MOXD1: variants seen among roughly 807,000 people sequenced by gnomAD.
The protein encoded by MOXD1 is DBH-like monooxygenase protein 1.
A neutral mutation model predicts 66.6 loss-of-function variants in MOXD1; 62 were observed. The observed-to-expected ratio is 0.93, with a 90% CI of 0.76 to 1.15. The LOEUF (loss-of-function observed/expected upper bound fraction) is 1.15, where lower values mean the gene tolerates loss of function less well. MOXD1 is among the 50% of genes most tolerant of loss of function. The pLI is 0.00. For synonymous variants in MOXD1, 303 were observed against 281.9 expected (o/e 1.07, Z -0.75); for missense variants, 847 against 754.6 (o/e 1.12, Z -1.44).
Position 132,322,686 on chromosome 6 carries a change from ATTGT to A in MOXD1, c.1294_1297del (p.Thr432SerfsTer7). 6.2e-7 allele frequency: 1 copy of A among 1,613,210 alleles called. No homozygotes were observed. The highest frequency in any genetic ancestry group is 8.5e-7 in the Non-Finnish European group (1 of 1,179,506). On this transcript the variant is annotated frameshift_variant, in exon 8 of 12. Coordinates refer to ENST00000367963, the MANE Select transcript of MOXD1 (RefSeq NM_015529.4). LOFTEE classifies it high-confidence loss of function. ...GAACAAAAACATGCATACTGGTAAGATTGTTTGTTCTTCCTTTAGATACTGAAAC... is the reference window on the plus strand; with the variant it reads ...GAACAAAAACATGCATACTGGTAAGATTGTTCTTCCTTTAGATACTGAAAC...
At chr6:132,349,460 T>TATAC (rs1775754280) in intron 4 of MOXD1, among the ~76,000 whole-genome samples, 1 of 34,568 alleles carries the variant, frequency 2.9e-5, no homozygotes. Context: ...TACATATATA[T>TATAC]ATATACATAT....
intron 1 of MOXD1, among the ~76,000 whole-genome samples, chr6:132,379,388 A>G (rs967821916): frequency 2.0e-5 from 3 of 152,154 alleles, no homozygotes; most frequent in Admixed American, 1.3e-4. Flanking sequence ...TAAAAAACCT[A>G]CAGCTAACAT....
At position 132,333,252 on chromosome 6, in the gene MOXD1, C is replaced by T. The variant is rs558576315; in HGVS notation, c.664-4658G>A. Among the ~76,000 whole-genome samples, 57 of 146,696 alleles carry T rather than the reference C, an allele frequency of 3.9e-4. No individual in the cohort carries two copies. The East Asian group carries it at 0.01, about 26-fold the overall frequency. Reference sequence around the variant, plus strand: ...TCGGGAGACTGAGGCAGGAGAATGGCGTGAACCCGGGAGGCAGAGCTGGCA... The same window carrying T: ...TCGGGAGACTGAGGCAGGAGAATGGTGTGAACCCGGGAGGCAGAGCTGGCA... On this transcript the variant is annotated intron_variant, in intron 4 of 11. Transcript: ENST00000367963.
intron 6 of MOXD1, 52 bp from the exon 7 acceptor site, chr6:132,324,149 AT>A: frequency 1.9e-6 from 3 of 1,539,004 alleles, no homozygotes; most frequent in Non-Finnish European, 2.6e-6. Context: ...AAATGTTTTC[AT>A]TCCCAAGAAA....
chr6:132,326,401 T>C (rs1313343103), intron 6 of MOXD1, among the ~76,000 whole-genome samples: 1 of 151,892 alleles, frequency 6.6e-6, no homozygotes, highest in Non-Finnish European at 1.5e-5. Flanking sequence ...AGAAGGCAAA[T>C]AAATTAAGCC....
intron 1 of MOXD1, among the ~76,000 whole-genome samples, chr6:132,383,333 C>A (rs1463527468): frequency 6.6e-6 from 1 of 152,130 alleles, no homozygotes; most frequent in Non-Finnish European, 1.5e-5. Flanking sequence ...TAAGTTATTT[C>A]TTCAGTAATC....
intron 10 of MOXD1, among the ~76,000 whole-genome samples, chr6:132,302,016 G>T (rs1774551513): frequency 6.6e-6 from 1 of 152,170 alleles, no homozygotes; most frequent in South Asian, 2.1e-4. Context: ...AAGGGAGTCT[G>T]AAGAAGCTTA....
intron 1 of MOXD1, among the ~76,000 whole-genome samples, chr6:132,384,187 CT>C (rs1355309480): frequency 4.0e-5 from 6 of 151,324 alleles, no homozygotes; most frequent in Non-Finnish European, 7.4e-5. Flanking sequence ...CCCTTCCTCT[CT>C]TCCTTCCTCC....
chr6:132,299,376 AC>A (rs2114520789), intron 10 of MOXD1, among the ~76,000 whole-genome samples: 1 of 152,304 alleles, frequency 6.6e-6, no homozygotes, highest in East Asian at 1.9e-4. Flanking sequence ...CCTCAGTTTC[AC>A]ACAATATACC....
intron 1 of MOXD1, among the ~76,000 whole-genome samples, chr6:132,377,645 CAAGTG>C (rs1323130946): frequency 2.6e-5 from 4 of 152,114 alleles, no homozygotes; most frequent in Non-Finnish European, 5.9e-5. Flanking sequence ...CCTATGTAAC[CAAGTG>C]AGTGCTTAAT....
At chr6:132,299,918 A>G (rs191287673) in intron 10 of MOXD1, among the ~76,000 whole-genome samples, 91 of 151,966 alleles carry the variant, frequency 6.0e-4, no homozygotes, top group African/African-American at 2.0e-3. Flanking sequence ...CTCTCTTAAC[A>G]TACATAACCC....
intron 6 of MOXD1, among the ~76,000 whole-genome samples, chr6:132,327,705 A>G (rs1387669451): frequency 6.6e-6 from 1 of 152,224 alleles, no homozygotes; most frequent in Non-Finnish European, 1.5e-5. Flanking sequence ...TATTGGGACT[A>G]ATCTACATCA....
In MOXD1 at chr6:132,296,347, A is replaced by T. The variant is rs1167716742; in HGVS notation, c.*806T>A. ...TCACACGGCCTGTCTTTGATCTGGA[A>T]CCTCATATAAGTCACCTCACAGCAC... On this transcript the variant is annotated 3_prime_UTR_variant, in exon 12 of 12. Transcript: ENST00000367963. The T allele has an allele frequency of 6.6e-6, 1 of 152,074 alleles. No individual in the cohort carries two copies. The highest frequency in any genetic ancestry group is 6.6e-5 in the Admixed American group (1 of 15,228). 9.4% of individuals were successfully genotyped at this position (152,074 alleles called of 1,614,324 possible).
intron 4 of MOXD1, among the ~76,000 whole-genome samples, chr6:132,343,148 AATT>A (rs1775597823): frequency 6.6e-6 from 1 of 152,258 alleles, no homozygotes; most frequent in South Asian, 2.1e-4. Context: ...GTAAACATTA[AATT>A]ACCAAAATAA....
intron 1 of MOXD1, among the ~76,000 whole-genome samples, chr6:132,384,275 T>TTCCTTCCTTCC (rs1776577072): frequency 1.0e-5 from 1 of 96,378 alleles, no homozygotes; most frequent in African/African-American, 3.8e-5. Context: ...CCTTCCTTCC[T>TTCCTTCCTTCC]TCCTTCCTTC....
intron 10 of MOXD1, among the ~76,000 whole-genome samples, chr6:132,300,982 A>G (rs1774521584): frequency 6.6e-6 from 1 of 152,184 alleles, no homozygotes; most frequent in Non-Finnish European, 1.5e-5. Context: ...TAGAGAAAAG[A>G]GCAGACAGAA....
intron 1 of MOXD1, among the ~76,000 whole-genome samples, chr6:132,395,958 C>T (rs965383412): frequency 6.6e-6 from 1 of 151,958 alleles, no homozygotes; most frequent in African/African-American, 2.4e-5. Context: ...CGTTAATAGC[C>T]CACTCTCAGC....
chr6:132,327,041 T>A (rs1775205456), intron 6 of MOXD1, among the ~76,000 whole-genome samples: 1 of 152,190 alleles, frequency 6.6e-6, no homozygotes, highest in Non-Finnish European at 1.5e-5. Context: ...TCTTAGATGG[T>A]CTGCTTCAGC....
chr6:132,334,704 T>A (rs1775400538), intron 4 of MOXD1, among the ~76,000 whole-genome samples: 1 of 152,178 alleles, frequency 6.6e-6, no homozygotes, highest in South Asian at 2.1e-4. Context: ...CTTCATTATT[T>A]TGATGAGAGA....
Sources: gnomAD v4.1 joint callset for allele counts (sites outside exome capture counted in the v4.1 genomes callset) on GRCh38, gnomAD v4.1.1 for gene constraint, MANE v1.5 for transcripts, NCBI Gene and HGNC (gene_info 2026-07-23, HGNC 2026-07-21) for gene names.